The following MYO16 variants were observed in gnomAD, a reference collection of about 807,000 sequenced individuals.
The protein encoded by MYO16 is unconventional myosin-XVI.
Under a neutral mutation model 205.3 loss-of-function variants are expected in MYO16, and 94 were observed. That is an observed-to-expected ratio of 0.46 (90% CI 0.39 to 0.54). MYO16 has a LOEUF of 0.54. Among genes scored for constraint, MYO16 ranks in the 20% least tolerant of loss-of-function variants. MYO16 has a pLI of 0.00. For missense variants in MYO16, 2,315 were observed against 2,387.5 expected, an observed-to-expected ratio of 0.97 and a Z score of 0.63; for synonymous variants, 988 against 954.0, an observed-to-expected ratio of 1.04 and a Z score of -0.66.
At chr13:108,525,005 A>C in the MYO16 span, among the ~76,000 whole-genome samples, 124 of 152,332 alleles carry the variant, frequency 8.1e-4, no homozygotes, top group African/African-American at 2.5e-3. Context: ...TTTTTTAAAA[A>C]AATCAAACTT....
intron 27 of MYO16, among the ~76,000 whole-genome samples, chr13:109,090,307 G>A (rs1888578848): frequency 6.6e-6 from 1 of 152,204 alleles, no homozygotes; most frequent in African/African-American, 2.4e-5. Flanking sequence ...CACTCAGGAG[G>A]TGCAAAAGCC....
chr13:109,000,011 A>T (rs1476393095), intron 21 of MYO16, among the ~76,000 whole-genome samples: 1 of 152,184 alleles, frequency 6.6e-6, no homozygotes, highest in Non-Finnish European at 1.5e-5. Flanking sequence ...AATAAGTTTC[A>T]TAATGGAGGT....
At chr13:109,001,181 T>TA (rs111881859) in intron 21 of MYO16, among the ~76,000 whole-genome samples, 19,304 of 137,160 alleles carry the variant, frequency 0.14, 1,333 homozygotes, top group East Asian at 0.21. Context: ...ATAAAAAATT[T>TA]AAAAAAAAAA....
the MYO16 span, among the ~76,000 whole-genome samples, chr13:108,509,924 C>T: frequency 1.3e-5 from 2 of 152,028 alleles, no homozygotes; most frequent in African/African-American, 4.8e-5. Flanking sequence ...TGCTGTCATC[C>T]CAGAAGCCCT....
At chr13:109,018,351 T>A (rs1885900318) in intron 22 of MYO16, among the ~76,000 whole-genome samples, 1 of 152,194 alleles carries the variant, frequency 6.6e-6, no homozygotes, top group Admixed American at 6.5e-5. Context: ...TGATCCTTCC[T>A]CTGGAAGCTT....
At chr13:108,859,997 T>C (rs1878375469) in intron 11 of MYO16, among the ~76,000 whole-genome samples, 1 of 152,112 alleles carries the variant, frequency 6.6e-6, no homozygotes, top group Non-Finnish European at 1.5e-5. Context: ...CCCAGGTTAA[T>C]GTAGCAGAGC....
chr13:108,915,296 A>G (rs764156444), intron 16 of MYO16, among the ~76,000 whole-genome samples: 1 of 152,224 alleles, frequency 6.6e-6, no homozygotes, highest in Non-Finnish European at 1.5e-5. Context: ...TGGCAGTAAG[A>G]CTGCACGGAT....
intron 34 of MYO16, among the ~76,000 whole-genome samples, chr13:109,181,821 A>G (rs561598872): frequency 6.7e-6 from 1 of 148,372 alleles, no homozygotes; most frequent in East Asian, 1.9e-4. Context: ...TATTTATTTT[A>G]TTTTATTTTT....
chr13:109,031,444 G>A (rs9583329), intron 23 of MYO16, among the ~76,000 whole-genome samples: 2,622 of 152,210 alleles, frequency 0.017, 78 homozygotes, highest in African/African-American at 0.06. Flanking sequence ...TCTCTTCAAA[G>A]TTAAATGTGA....
intron 16 of MYO16, among the ~76,000 whole-genome samples, chr13:108,940,359 C>T (rs1179933699): frequency 6.6e-6 from 1 of 152,120 alleles, no homozygotes; most frequent in Non-Finnish European, 1.5e-5. Context: ...GGCCACTTCC[C>T]TGTCACGCTT....
Position 108,788,207 on chromosome 13 carries a change from C to A in MYO16, c.616+2464C>A, listed in dbSNP as rs185023497. Reference sequence around the variant, plus strand: ...GCAGAAGAGGCTGCAACGTCTTGAACAAGTTGATTACATGGAAACTCGCTG... The same window carrying A: ...GCAGAAGAGGCTGCAACGTCTTGAAAAAGTTGATTACATGGAAACTCGCTG... On this transcript the variant is annotated intron_variant, in intron 5 of 34. Coordinates refer to ENST00000457511, the MANE Select transcript of MYO16 (RefSeq NM_001198950.3). 8.1e-4 allele frequency among the ~76,000 whole-genome samples: 124 copies of A among 152,224 alleles called. 1 individual carries two copies. Among genetic ancestry groups the A allele is most frequent in the Non-Finnish European group, 1.3e-3 (90 of 68,024 alleles).
chr13:108,745,257 C>A (rs1885023691), intron 4 of MYO16, among the ~76,000 whole-genome samples: 1 of 152,074 alleles, frequency 6.6e-6, no homozygotes, highest in Admixed American at 6.6e-5. Flanking sequence ...TGTTGACTTG[C>A]CAGAGGCTGA....
At chr13:108,595,382 A>C (rs577292811), upstream of MYO16, among the ~76,000 whole-genome samples, 6 of 152,152 alleles carry the variant, frequency 3.9e-5, no homozygotes, top group South Asian at 1.2e-3. Context: ...GAAGGGTCTG[A>C]CTCTGATATG....
chr13:108,880,996 T>C (rs1879587731), intron 12 of MYO16, among the ~76,000 whole-genome samples: 1 of 152,212 alleles, frequency 6.6e-6, no homozygotes, highest in African/African-American at 2.4e-5. Context: ...ACTCCCCAAG[T>C]GGGTCCCTGA....
chr13:109,028,025 C>T (rs894420645), intron 23 of MYO16, among the ~76,000 whole-genome samples: 3 of 151,972 alleles, frequency 2.0e-5, no homozygotes, highest in Non-Finnish European at 2.9e-5. Context: ...AAAGTGCTCA[C>T]ATTATATAAA....
intron 14 of MYO16, among the ~76,000 whole-genome samples, chr13:108,893,041 C>T (rs1309319367): frequency 3.3e-5 from 5 of 152,154 alleles, no homozygotes; most frequent in Non-Finnish European, 5.9e-5. Flanking sequence ...TAAATGACTT[C>T]TAGTCTCATG....
intron 2 of MYO16, among the ~76,000 whole-genome samples, chr13:108,712,146 T>C (rs779906702): frequency 2.0e-5 from 3 of 152,206 alleles, no homozygotes; most frequent in Non-Finnish European, 2.9e-5. Flanking sequence ...ACTTAACTAA[T>C]TTGGATATAT....
At chr13:108,937,719 T>G (rs1356847116) in intron 16 of MYO16, among the ~76,000 whole-genome samples, 2 of 152,228 alleles carry the variant, frequency 1.3e-5, no homozygotes, top group Non-Finnish European at 2.9e-5. Context: ...CCTCTGATAC[T>G]CTGATTGATT....
At chr13:109,065,421 C>T (rs761359983) in intron 27 of MYO16, among the ~76,000 whole-genome samples, 7 of 151,490 alleles carry the variant, frequency 4.6e-5, no homozygotes, top group Non-Finnish European at 8.8e-5. Flanking sequence ...TTATTTTCAT[C>T]TCTCCCCGAT....
Sources: allele counts gnomAD v4.1 joint callset (sites outside exome capture counted in the v4.1 genomes callset), GRCh38; gene constraint gnomAD v4.1.1; transcripts MANE v1.5; gene names NCBI Gene and HGNC (gene_info 2026-07-23, HGNC 2026-07-21).